Variants in FHIT observed in about 807,000 individuals in gnomAD.
FHIT encodes bis(5'-adenosyl)-triphosphatase.
FHIT carries 19 observed loss-of-function variants against 17.9 expected under a neutral mutation model. That is an observed-to-expected ratio of 1.06 (90% CI 0.74 to 1.56). FHIT has a LOEUF of 1.56. Among genes scored for constraint, FHIT ranks in the 40% most tolerant of loss-of-function variants. The pLI is 0.00. For synonymous variants in FHIT, 81 were observed against 69.7 expected (o/e 1.16, Z -0.81); for missense variants, 248 against 189.2 (o/e 1.31, Z -1.82).
In FHIT at chr3:59,748,161, TTAACTTC is replaced by T. The variant is rs1276169380; in HGVS notation, c.*1417_*1423del. Among the ~76,000 whole-genome samples, 1 of 152,138 alleles carries T rather than the reference TTAACTTC, an allele frequency of 6.6e-6. No homozygotes were observed. The highest frequency in any genetic ancestry group is 1.5e-5 in the Non-Finnish European group (1 of 68,008). On this transcript the variant is annotated 3_prime_UTR_variant, in exon 10 of 10. Transcript: ENST00000492590. ...TTTTCTCTTATGTTTATTTTTATGC[TTAACTTC>T]TAATTACAGGTAGTACTTGTTTTTC...
At chr3:60,358,581 A>C (rs1424352101) in intron 5 of FHIT, among the ~76,000 whole-genome samples, 1 of 152,228 alleles carries the variant, frequency 6.6e-6, no homozygotes, top group African/African-American at 2.4e-5. Flanking sequence ...GTGTTCTGAC[A>C]TAAACAAAAT....
chr3:60,753,301 C>T (rs2042506328), intron 4 of FHIT, among the ~76,000 whole-genome samples: 2 of 151,932 alleles, frequency 1.3e-5, no homozygotes, highest in South Asian at 4.2e-4. Flanking sequence ...GATTAGGTTC[C>T]AATCCATTAA....
chr3:59,947,668 C>A (rs555686403), intron 7 of FHIT, among the ~76,000 whole-genome samples: 4 of 152,048 alleles, frequency 2.6e-5, no homozygotes, highest in Non-Finnish European at 5.9e-5. Context: ...GTACCAGTCC[C>A]CCAGCTTTGT....
At chr3:60,609,717 A>T (rs1259140193) in intron 4 of FHIT, among the ~76,000 whole-genome samples, 2 of 152,124 alleles carry the variant, frequency 1.3e-5, no homozygotes, top group Non-Finnish European at 2.9e-5. Context: ...TAGCCTTTCC[A>T]TCTGGGCACC....
chr3:60,991,599 A>G (rs557607856), intron 3 of FHIT, among the ~76,000 whole-genome samples: 83 of 152,208 alleles, frequency 5.5e-4, no homozygotes, highest in South Asian at 1.2e-3. Context: ...GCTAGTCAGA[A>G]AACCTAGGTT....
intron 4 of FHIT, among the ~76,000 whole-genome samples, chr3:60,558,412 G>A (rs2036817625): frequency 6.6e-6 from 1 of 151,640 alleles, no homozygotes; most frequent in African/African-American, 2.4e-5. Flanking sequence ...TGTCATGGGT[G>A]AACCAAGCCA....
At chr3:60,323,581 A>G (rs1709530886) in intron 5 of FHIT, among the ~76,000 whole-genome samples, 1 of 152,156 alleles carries the variant, frequency 6.6e-6, no homozygotes. Context: ...GAGAGGAGGA[A>G]ATCCTAGGGA....
At chr3:59,937,303 G>C (rs1393134623) in intron 7 of FHIT, among the ~76,000 whole-genome samples, 1 of 152,142 alleles carries the variant, frequency 6.6e-6, no homozygotes, top group Non-Finnish European at 1.5e-5. Flanking sequence ...GAGAAAAAAA[G>C]ATGCCAGGAG....
chr3:61,193,559 A>G (rs1420243668), intron 2 of FHIT, among the ~76,000 whole-genome samples: 1 of 152,222 alleles, frequency 6.6e-6, no homozygotes, highest in Non-Finnish European at 1.5e-5. Context: ...ACCTTAAGTG[A>G]GCAGACACTC....
At chr3:59,851,472 A>C (rs900038568) in intron 8 of FHIT, among the ~76,000 whole-genome samples, 3 of 152,130 alleles carry the variant, frequency 2.0e-5, no homozygotes, top group Admixed American at 2.0e-4. Flanking sequence ...AGTGTGAAAA[A>C]CTAAGTAACT....
At chr3:59,895,361 G>T (rs1704024724) in intron 8 of FHIT, among the ~76,000 whole-genome samples, 1 of 152,166 alleles carries the variant, frequency 6.6e-6, no homozygotes. Flanking sequence ...AATTTTTGTG[G>T]AGTGAATGCA....
intron 5 of FHIT, among the ~76,000 whole-genome samples, chr3:60,032,909 A>C (rs993925453): frequency 1.5e-4 from 23 of 152,202 alleles, no homozygotes; most frequent in African/African-American, 5.1e-4. Context: ...AGCCCACCTT[A>C]GAGCTAACTT....
At position 59,769,280 on chromosome 3, in the gene FHIT, G is replaced by A. The variant is rs368622677; in HGVS notation, c.349-16959C>T. Among the ~76,000 whole-genome samples the A allele has an allele frequency of 9.2e-5, 14 of 152,146 alleles. No homozygotes were observed. In the East Asian group the frequency reaches 9.6e-4, roughly 10 times the overall value. ...AGGCTGGAGCACCAGGCTGTGGCTCGGAGTGTGTTTTGGGTGATCTGCCAA... is the reference window on the plus strand; with the variant it reads ...AGGCTGGAGCACCAGGCTGTGGCTCAGAGTGTGTTTTGGGTGATCTGCCAA... On this transcript the variant is annotated intron_variant, in intron 8 of 9. Transcript: ENST00000492590.
At position 59,858,255 on chromosome 3, in the gene FHIT, T is replaced by A. The variant is rs1293770040; in HGVS notation, c.348+64091A>T. Reference sequence around the variant, plus strand: ...CACCTTCTTTTTTTTTTTTTTTTTTTTTTTTTGAGATGGAGTGCTGGAGTG... The same window carrying A: ...CACCTTCTTTTTTTTTTTTTTTTTTATTTTTTGAGATGGAGTGCTGGAGTG... On this transcript the variant is annotated intron_variant, in intron 8 of 9. Transcript: ENST00000492590. Among the ~76,000 whole-genome samples, 3 of 141,496 alleles carry A rather than the reference T, an allele frequency of 2.1e-5. No homozygotes were observed. The East Asian group carries it at 6.0e-4, about 29-fold the overall frequency. 92.8% of individuals were successfully genotyped at this position (141,496 alleles called of 152,430 possible). A position where few individuals can be genotyped will look rare whatever the true frequency, so the allele number is the denominator to read the frequency against.
chr3:60,319,765 G>C (rs1207177882), intron 5 of FHIT, among the ~76,000 whole-genome samples: 1 of 152,116 alleles, frequency 6.6e-6, no homozygotes, highest in East Asian at 1.9e-4. Flanking sequence ...CCCCAGCAGT[G>C]GTTGCACTGT....
chr3:60,369,590 C>T (rs1011773116), intron 5 of FHIT, among the ~76,000 whole-genome samples: 4 of 152,172 alleles, frequency 2.6e-5, no homozygotes, highest in Non-Finnish European at 5.9e-5. Flanking sequence ...GATCCTTTCA[C>T]GCTTGCTTTT....
chr3:60,818,426 C>G (rs981000067), intron 4 of FHIT, among the ~76,000 whole-genome samples: 5 of 152,246 alleles, frequency 3.3e-5, no homozygotes, highest in South Asian at 2.1e-4. Context: ...AAATTTAAAA[C>G]TATCCCTTGG....
intron 2 of FHIT, among the ~76,000 whole-genome samples, chr3:61,180,882 G>C (rs1047479620): frequency 6.6e-6 from 1 of 152,164 alleles, no homozygotes; most frequent in Non-Finnish European, 1.5e-5. Flanking sequence ...TTTATGTGGA[G>C]TGGGGCATAG....
intron 8 of FHIT, among the ~76,000 whole-genome samples, chr3:59,771,655 G>T (rs1702079032): frequency 6.6e-6 from 1 of 152,208 alleles, no homozygotes; most frequent in African/African-American, 2.4e-5. Flanking sequence ...AAGAACAGCA[G>T]GAAGGGTTGT....
Sources: gnomAD v4.1 joint callset for allele counts (sites outside exome capture counted in the v4.1 genomes callset) on GRCh38, gnomAD v4.1.1 for gene constraint, MANE v1.5 for transcripts, NCBI Gene and HGNC (gene_info 2026-07-23, HGNC 2026-07-21) for gene names.